TFDP2: variants seen among roughly 807,000 people sequenced by gnomAD.
The protein encoded by TFDP2 is transcription factor Dp-2 (E2F dimerization partner 2).
A neutral mutation model predicts 59.3 loss-of-function variants in TFDP2; 17 were observed. The observed-to-expected ratio is 0.29, with a 90% CI of 0.20 to 0.43. TFDP2 has a LOEUF of 0.43. Among genes scored for constraint, TFDP2 ranks in the 20% least tolerant of loss-of-function variants. TFDP2 has a pLI of 1.00. For synonymous variants in TFDP2, 180 were observed against 194.7 expected (o/e 0.92, Z 0.63); for missense variants, 391 against 528.8 (o/e 0.74, Z 2.56).
Position 141,947,046 on chromosome 3 carries a change from T to C in TFDP2, c.*5467A>G, listed in dbSNP as rs568266460. 8 of 152,278 alleles carry C rather than the reference T, an allele frequency of 5.3e-5. No individual in the cohort carries two copies. The highest frequency in any genetic ancestry group is 1.9e-4 in the East Asian group (1 of 5,176). The allele number at this position is 152,278 out of a possible 1,614,324, so 9.4% of individuals were successfully genotyped here. On this transcript the variant is annotated 3_prime_UTR_variant, in exon 13 of 13. Transcript: ENST00000489671. ...CATCTCGAGGGGAAAAAAAATATTA[T>C]GCAAACATCAGGTTTTTCTCTTCTT... is the stretch of plus-strand genomic sequence containing the variant.
chr3:142,031,113 A>C (rs1442596305), intron 3 of TFDP2, among the ~76,000 whole-genome samples: 1 of 152,206 alleles, frequency 6.6e-6, no homozygotes, highest in Non-Finnish European at 1.5e-5. Context: ...CAACAATTAC[A>C]AGTTAAAATA....
chr3:142,074,402 C>G (rs992644014), intron 3 of TFDP2, among the ~76,000 whole-genome samples: 1 of 150,058 alleles, frequency 6.7e-6, no homozygotes, highest in African/African-American at 2.5e-5. Context: ...GAGTGAGATT[C>G]TATCTCAAAA....
chr3:142,140,680 G>A (rs2062915144), intron 1 of TFDP2, among the ~76,000 whole-genome samples: 2 of 152,192 alleles, frequency 1.3e-5, no homozygotes, highest in African/African-American at 2.4e-5. Context: ...GTTTGCCTGG[G>A]TATCAGCAGC....
intron 2 of TFDP2, among the ~76,000 whole-genome samples, chr3:142,099,136 C>T (rs1280543017): frequency 6.6e-6 from 1 of 152,208 alleles, no homozygotes; most frequent in East Asian, 1.9e-4. Flanking sequence ...TATCTACAAT[C>T]TCTTCTGTGT....
intron 2 of TFDP2, among the ~76,000 whole-genome samples, chr3:142,099,094 G>A (rs1255191650): frequency 6.6e-6 from 1 of 152,214 alleles, no homozygotes; most frequent in Non-Finnish European, 1.5e-5. Flanking sequence ...TACATGGTTA[G>A]TAATGCCTCT....
At chr3:141,988,804 A>T (rs1463614260) in intron 6 of TFDP2, among the ~76,000 whole-genome samples, 1 of 151,006 alleles carries the variant, frequency 6.6e-6, no homozygotes, top group East Asian at 2.0e-4. Context: ...GAGTAGTTAC[A>T]GGCACGCGCC....
intron 4 of TFDP2, among the ~76,000 whole-genome samples, chr3:141,997,601 G>A (rs1270491073): frequency 6.6e-6 from 1 of 151,954 alleles, no homozygotes; most frequent in Non-Finnish European, 1.5e-5. Flanking sequence ...TGTAATCCTA[G>A]CACTTTGAGA....
chr3:142,054,363 C>G (rs1035350278), intron 3 of TFDP2, among the ~76,000 whole-genome samples: 2 of 152,024 alleles, frequency 1.3e-5, no homozygotes, highest in African/African-American at 4.8e-5. Context: ...AAACATTATG[C>G]TAAGTACAAG....
chr3:142,148,433 C>A (rs944356305), intron 1 of TFDP2, among the ~76,000 whole-genome samples: 1 of 152,326 alleles, frequency 6.6e-6, no homozygotes, highest in Middle Eastern at 3.4e-3. Context: ...CTAACTAATG[C>A]AAGGCATTTA....
chr3:142,077,799 G>A (rs930167027), intron 3 of TFDP2, among the ~76,000 whole-genome samples: 5 of 152,116 alleles, frequency 3.3e-5, no homozygotes, highest in Non-Finnish European at 7.4e-5. Flanking sequence ...AAAGCAGAGG[G>A]AGAAATAAAG....
At position 141,961,951 on chromosome 3, in the gene TFDP2, ACT is replaced by A. The variant is rs1478023502; in HGVS notation, c.884+1859_884+1860del. Among the ~76,000 whole-genome samples, 3 of 151,392 alleles carry A rather than the reference ACT, an allele frequency of 2.0e-5. No individual in the cohort carries two copies. The East Asian group carries it at 5.8e-4, about 29-fold the overall frequency. ...GCAACAGTGAGAACAGTGAGAATCC[ACT>A]CTTTTTTTGGGGGGGACGGAGTTTT... On this transcript the variant is annotated intron_variant, in intron 10 of 12. Coordinates refer to ENST00000489671, the MANE Select transcript of TFDP2 (RefSeq NM_001178139.2).
intron 7 of TFDP2, among the ~76,000 whole-genome samples, chr3:141,976,172 C>T (rs1007771378): frequency 6.6e-6 from 1 of 152,212 alleles, no homozygotes; most frequent in Admixed American, 6.5e-5. Flanking sequence ...AGCCACTGCA[C>T]CCGGCCTATA....
chr3:142,109,101 A>G (rs1389842613), intron 1 of TFDP2, among the ~76,000 whole-genome samples: 1 of 152,240 alleles, frequency 6.6e-6, no homozygotes. Flanking sequence ...ACTAAAGTAT[A>G]AATTCCTTGA....
chr3:141,972,967 A>G (rs1400617267), intron 8 of TFDP2, among the ~76,000 whole-genome samples: 1 of 151,730 alleles, frequency 6.6e-6, no homozygotes, highest in Non-Finnish European at 1.5e-5. Context: ...AATATTATAT[A>G]GCTTCTGATG....
chr3:141,973,124 T>TATA (rs1553761667), intron 8 of TFDP2, among the ~76,000 whole-genome samples: 55 of 55,334 alleles, frequency 9.9e-4, no homozygotes, highest in Admixed American at 1.2e-3. Context: ...TATATATATA[T>TATA]TTTTTTTTTT....
At chr3:142,101,429 T>C (rs1189956555) in intron 2 of TFDP2, among the ~76,000 whole-genome samples, 1 of 149,858 alleles carries the variant, frequency 6.7e-6, no homozygotes, top group African/African-American at 2.5e-5. Flanking sequence ...CTCCAGCAAG[T>C]ACCAAAACAA....
intron 3 of TFDP2, among the ~76,000 whole-genome samples, chr3:142,010,090 C>G (rs1944539516): frequency 6.6e-6 from 1 of 152,154 alleles, no homozygotes; most frequent in Non-Finnish European, 1.5e-5. Context: ...TCAAAACTTT[C>G]TCTATAGCAA....
At chr3:142,130,557 G>C (rs1211488208) in intron 1 of TFDP2, among the ~76,000 whole-genome samples, 5 of 151,444 alleles carry the variant, frequency 3.3e-5, no homozygotes, top group Admixed American at 6.6e-5. Flanking sequence ...TGTTACATAT[G>C]TATACATGTG....
intron 3 of TFDP2, among the ~76,000 whole-genome samples, chr3:142,012,636 A>G (rs1373640773): frequency 6.6e-6 from 1 of 152,202 alleles, no homozygotes; most frequent in Non-Finnish European, 1.5e-5. Flanking sequence ...ATGTCCTATT[A>G]TAAGAGAACA....
Sources: allele counts gnomAD v4.1 joint callset (sites outside exome capture counted in the v4.1 genomes callset), GRCh38; gene constraint gnomAD v4.1.1; transcripts MANE v1.5; gene names NCBI Gene and HGNC (gene_info 2026-07-23, HGNC 2026-07-21).